Variants in ANAPC1 observed in about 807,000 individuals in gnomAD.
ANAPC1 encodes anaphase-promoting complex subunit 1.
Under a neutral mutation model 208.0 loss-of-function variants are expected in ANAPC1, and 36 were observed. The ratio of observed to expected loss-of-function variants is 0.17; its 90% CI spans 0.13 to 0.23. The LOEUF is 0.23. Among genes scored for constraint, ANAPC1 ranks in the 10% least tolerant of loss-of-function variants. The pLI, the probability that ANAPC1 is intolerant of heterozygous loss-of-function variation, is 1.00. For missense variants in ANAPC1, 942 were observed against 2,011.6 expected (o/e 0.47, Z 10.17); for synonymous variants, 378 against 695.2 (o/e 0.54, Z 7.18).
rs1214097414 is a variant in ANAPC1 at position 111,847,149 on chromosome 2, G to A, written c.1841C>T (p.Thr614Ile). The A allele has an allele frequency of 7.5e-6, 12 of 1,609,550 alleles. No homozygotes were observed. In the South Asian group the frequency reaches 1.3e-4, roughly 18 times the overall value. ...MVRITIPEIA[T>I]SELVQTCLQA... ...CTTCTCAATCGTACCTAACTCAGAG[G>A]TGGCAATTTCAGGAATAGTGATCCT... Residue 614 changes from threonine to isoleucine, a missense_variant, in exon 16 of 48, where the codon ACC (threonine) becomes ATC (isoleucine). By Grantham distance (89) the Thr-to-Ile change is moderately conservative. Transcript: ENST00000341068.
rs1254358395 is a variant in ANAPC1 at position 111,794,223 on chromosome 2, T to C, written c.4464+10A>G. 3 of 1,602,250 alleles carry C rather than the reference T, an allele frequency of 1.9e-6. No individual in the cohort carries two copies. Among genetic ancestry groups the C allele is most frequent in the Non-Finnish European group, 2.6e-6 (3 of 1,176,254 alleles). On this transcript the variant is annotated intron_variant, in intron 36 of 47. Coordinates refer to ENST00000341068, the MANE Select transcript of ANAPC1 (RefSeq NM_022662.4). ...AAAAAAAGAACACAGTAAACTAAAA[T>C]ACTTCTTACCAAACAGTTAAATGCT...
chr2:111,852,998 A>G (rs1157751968), intron 13 of ANAPC1, among the ~76,000 whole-genome samples: 2 of 152,152 alleles, frequency 1.3e-5, no homozygotes, highest in Non-Finnish European at 2.9e-5. Context: ...AAAAAAAAAG[A>G]AGAGAAAAGA....
intron 26 of ANAPC1, among the ~76,000 whole-genome samples, chr2:111,819,753 G>C (rs1485527880): frequency 6.6e-6 from 1 of 152,050 alleles, no homozygotes; most frequent in African/African-American, 2.4e-5. Context: ...TATCCCTTCA[G>C]AGGCTGACAA....
intron 3 of ANAPC1, among the ~76,000 whole-genome samples, chr2:111,877,988 A>C (rs1412344754): frequency 6.6e-6 from 1 of 152,196 alleles, no homozygotes; most frequent in Non-Finnish European, 1.5e-5. Context: ...TTATAGCTAG[A>C]AGCACATAAT....
rs1573530147 is a variant in ANAPC1, at chr2:111,880,539, T to C, written c.213+74A>G. 4 of 1,500,774 alleles carry C rather than the reference T, an allele frequency of 2.7e-6. No individual in the cohort carries two copies. The East Asian group carries it at 7.4e-5, about 28-fold the overall frequency. 93.0% of individuals were successfully genotyped at this position (1,500,774 alleles called of 1,614,324 possible). A position where few individuals can be genotyped will look rare whatever the true frequency, so the allele number is the denominator to read the frequency against. ...GCATCACACCGATCTCTCAGTTGCA[T>C]CTTAGTAGCCTTAAATTACAAGTAG... On this transcript the variant is annotated intron_variant, in intron 2 of 47. Transcript: ENST00000341068.
At chr2:111,823,396 G>T (rs1348695154) in intron 24 of ANAPC1, among the ~76,000 whole-genome samples, 1 of 151,802 alleles carries the variant, frequency 6.6e-6, no homozygotes, top group Non-Finnish European at 1.5e-5. Flanking sequence ...GGTATGTATA[G>T]GTCAATCCAC....
intron 18 of ANAPC1, among the ~76,000 whole-genome samples, chr2:111,837,606 G>A (rs1217337737): frequency 1.1e-3 from 120 of 106,948 alleles, no homozygotes; most frequent in Non-Finnish European, 2.0e-3. Flanking sequence ...GCGAGACTCC[G>A]TCTCAAAAAA....
chr2:111,826,667 T>TTA (rs1553424312), intron 21 of ANAPC1, among the ~76,000 whole-genome samples: 1 of 99,460 alleles, frequency 1.0e-5, no homozygotes, highest in African/African-American at 4.8e-5. Flanking sequence ...ATTTATTTAT[T>TTA]TTTTTTTTTT....
intron 1 of ANAPC1, among the ~76,000 whole-genome samples, chr2:111,882,859 A>G (rs1459032076): frequency 1.3e-5 from 2 of 151,990 alleles, no homozygotes; most frequent in African/African-American, 2.4e-5. Flanking sequence ...GAACACAAGT[A>G]AAAAGTGCCT....
chr2:111,824,993 T>C lies in ANAPC1; in HGVS notation c.2785A>G (p.Arg929Gly). ...ACATTAGTCATCCAGACAACCAATC[T>C]TTCAGCTAGACTAGAAACAGATGTA... ...HSTSVSSLAE[R>G]LVVWMTNVGF... The change falls in exon 24 of 48, where the codon AGA becomes GGA. Residue 929 changes from arginine to glycine, a missense_variant. Physicochemically the swap from Arg to Gly is moderately radical, Grantham distance 125. Transcript: ENST00000341068. 6.2e-7 allele frequency: 1 copy of C among 1,613,916 alleles called. No individual in the cohort carries two copies. The highest frequency in any genetic ancestry group is 8.5e-7 in the Non-Finnish European group (1 of 1,179,872).
At chr2:111,830,010 C>G (rs919526361) in intron 21 of ANAPC1, among the ~76,000 whole-genome samples, 1 of 152,040 alleles carries the variant, frequency 6.6e-6, no homozygotes, top group African/African-American at 2.4e-5. Context: ...GTGGAGGTTG[C>G]AGTGAGCTGA....
intron 43 of ANAPC1, among the ~76,000 whole-genome samples, chr2:111,781,127 G>GT (rs1677248536): frequency 6.8e-6 from 1 of 147,410 alleles, no homozygotes; most frequent in Non-Finnish European, 1.5e-5. Flanking sequence ...ATCACTCAAG[G>GT]TTCAAGATTG....
At chr2:111,857,208 A>G (rs1380057418) in intron 11 of ANAPC1, 7 of 281,464 alleles carry the variant, frequency 2.5e-5, no homozygotes, top group South Asian at 1.5e-4. Context: ...GTACATGTCA[A>G]ATTGATGAAA....
rs2104449298 is a variant in ANAPC1 at position 111,769,212 on chromosome 2, A to G, written c.*79T>C. On this transcript the variant is annotated 3_prime_UTR_variant, in exon 48 of 48. Coordinates refer to ENST00000341068, the MANE Select transcript of ANAPC1 (RefSeq NM_022662.4). ...CTAGTTATACCATAAAACTTTATAAACATTGCTTTAGCTTTGATGTTTGGT... is the reference window on the plus strand; with the variant it reads ...CTAGTTATACCATAAAACTTTATAAGCATTGCTTTAGCTTTGATGTTTGGT... The G allele has an allele frequency of 1.3e-6, 2 of 1,574,740 alleles. No individual in the cohort carries two copies. The highest frequency in any genetic ancestry group is 1.2e-5 in the South Asian group (1 of 86,856).
intron 16 of ANAPC1, among the ~76,000 whole-genome samples, chr2:111,845,055 C>T (rs1056551011): frequency 6.6e-6 from 1 of 152,110 alleles, no homozygotes; most frequent in Non-Finnish European, 1.5e-5. Flanking sequence ...ACTATGTTGT[C>T]CAAGCTGGTC....
At chr2:111,841,309 G>C (rs945838642) in intron 17 of ANAPC1, among the ~76,000 whole-genome samples, 4 of 151,858 alleles carry the variant, frequency 2.6e-5, no homozygotes, top group Non-Finnish European at 4.4e-5. Flanking sequence ...AGTTGGGGGA[G>C]GAAGGACACA....
In ANAPC1 at chr2:111,803,078, C is replaced by T. The variant is rs1462420009; in HGVS notation, c.4142+370G>A. ...AAAAACCATTGTTTTACATGGTAAC[C>T]AAGATCACACTAAATGATAAGTATT... On this transcript the variant is annotated intron_variant, in intron 32 of 47. Coordinates refer to ENST00000341068, the MANE Select transcript of ANAPC1 (RefSeq NM_022662.4). 2 of 146,914 alleles carry T rather than the reference C, an allele frequency of 1.4e-5. 1 individual carries two copies. Among genetic ancestry groups the T allele is most frequent in the African/African-American group, 8.2e-5 (2 of 24,528 alleles). 9.1% of individuals were successfully genotyped at this position (146,914 alleles called of 1,614,324 possible). A position where few individuals can be genotyped will look rare whatever the true frequency, so the allele number is the denominator to read the frequency against.
At chr2:111,800,268 AAGAAACTGAGACCACT>A (rs1218805670) in intron 34 of ANAPC1, among the ~76,000 whole-genome samples, 6 of 145,100 alleles carry the variant, frequency 4.1e-5, no homozygotes, top group African/African-American at 1.5e-4. Flanking sequence ...AATCTACATA[AAGAAACTGAGACCACT>A]AGACATGGAC....
intron 2 of ANAPC1, among the ~76,000 whole-genome samples, chr2:111,880,244 T>C (rs1449222652): frequency 1.3e-5 from 2 of 151,862 alleles, no homozygotes; most frequent in Non-Finnish European, 2.9e-5. Flanking sequence ...TGGTGGTGCA[T>C]GCCTGTAATC....
Sources: allele counts gnomAD v4.1 joint callset (sites outside exome capture counted in the v4.1 genomes callset), GRCh38; gene constraint gnomAD v4.1.1; transcripts MANE v1.5; gene names NCBI Gene and HGNC (gene_info 2026-07-23, HGNC 2026-07-21).